The following ANKRD36C variants were observed in gnomAD, a reference collection of about 807,000 sequenced individuals.
ANKRD36C encodes the protein ankyrin repeat domain 36C, also known as ankyrin repeat domain-containing protein 36C.
In ANKRD36C, 61 loss-of-function variants were observed where a neutral mutation model predicts 276.4. The observed-to-expected ratio is 0.22, with a 90% CI of 0.18 to 0.27. The LOEUF (loss-of-function observed/expected upper bound fraction) is 0.27. Ranked by LOEUF, ANKRD36C falls within the 10% of genes least tolerant of loss-of-function variation. ANKRD36C has a pLI of 1.00. For synonymous variants in ANKRD36C, 483 were observed against 680.1 expected (o/e 0.71, Z 4.51); for missense variants, 1,447 against 2,032.3 (o/e 0.71, Z 5.54).
At chr2:95,892,059 T>A (rs753613764) in intron 44 of ANKRD36C, among the ~76,000 whole-genome samples, 199 bp from the exon 65 acceptor site, 3 of 151,522 alleles carry the variant, frequency 2.0e-5, no homozygotes, top group Non-Finnish European at 4.4e-5. Context: ...GAAATATAGT[T>A]TTAGTATTTC....
chr2:95,936,136 C>T (rs1406370047), intron 22 of ANKRD36C, among the ~76,000 whole-genome samples: 1 of 152,298 alleles, frequency 6.6e-6, no homozygotes, highest in African/African-American at 2.4e-5. Context: ...TCTCTTCATT[C>T]ACTTATGCAA....
intron 6 of ANKRD36C, among the ~76,000 whole-genome samples, chr2:95,965,554 A>G (rs957312836): frequency 3.3e-5 from 5 of 152,166 alleles, no homozygotes; most frequent in African/African-American, 9.6e-5. Context: ...TGGGAGAGAT[A>G]CAGCTATGCT....
At chr2:95,979,255 GCAAA>G (rs1379236543) in intron 5 of ANKRD36C, among the ~76,000 whole-genome samples, 1 of 151,932 alleles carries the variant, frequency 6.6e-6, no homozygotes, top group Non-Finnish European at 1.5e-5. Context: ...TAGCTAGCCA[GCAAA>G]CAGTCAAATG....
In ANKRD36C at chr2:95,957,935, G is replaced by A. The variant is rs1229652742; in HGVS notation, c.1105+656C>T. Among the ~76,000 whole-genome samples the A allele has an allele frequency of 3.3e-5, 5 of 151,488 alleles. No individual in the cohort carries two copies. In the East Asian group the frequency reaches 9.7e-4, roughly 29 times the overall value. ...TGATGCCCAGTAATAACAAAGAGGG[G>A]TAACAGGTGACTGTGGTTCATCACA... On this transcript the variant is annotated intron_variant, in intron 12 of 66. Coordinates refer to ENST00000456556, the Ensembl canonical transcript of ANKRD36C.
chr2:95,959,795 T>A (rs372690966), intron 10 of ANKRD36C, among the ~76,000 whole-genome samples: 1 of 138,382 alleles, frequency 7.2e-6, no homozygotes, highest in Non-Finnish European at 1.6e-5. Context: ...ATATCTCTGA[T>A]GCCCAATAAT....
chr2:95,942,766 A>G (rs1156762673), intron 19 of ANKRD36C, among the ~76,000 whole-genome samples: 189 of 145,888 alleles, frequency 1.3e-3, no homozygotes, highest in Non-Finnish European at 2.5e-3. Flanking sequence ...TGAAGAGAGA[A>G]GAAATTTATT....
intron 60 of ANKRD36C, among the ~76,000 whole-genome samples, chr2:95,860,688 C>G (rs1340559253): frequency 6.6e-6 from 1 of 152,128 alleles, no homozygotes. Flanking sequence ...TTACAAATAT[C>G]CCAGTTCTTT....
chr2:95,857,579 T>C, intron 61 of ANKRD36C, 87 bp from the exon 82 acceptor site: 2 of 1,360,600 alleles, frequency 1.5e-6, no homozygotes, highest in Non-Finnish European at 2.0e-6. Flanking sequence ...ACCTAAGGGG[T>C]CCAGGGAGTC....
chr2:95,897,413 C>A lies in ANKRD36C; in HGVS notation c.2755+1732G>T, dbSNP rs201291334. 3.6e-3 allele frequency: 5,512 copies of A among 1,544,340 alleles called. 255 individuals carry two copies. Among genetic ancestry groups the A allele is most frequent in the Non-Finnish European group, 4.5e-3 (5,087 of 1,140,954 alleles). ...CATAGACTATACATTTACTAGTTCA[C>A]AATATAAATGACAGTTTCATTACCT... On this transcript the variant is annotated intron_variant, in intron 44 of 66. Transcript: ENST00000456556.
intron 44 of ANKRD36C, among the ~76,000 whole-genome samples, chr2:95,892,462 C>A (rs1317546522): frequency 6.6e-6 from 1 of 151,444 alleles, no homozygotes; most frequent in Non-Finnish European, 1.5e-5. Context: ...TAATAATCTG[C>A]CTAAGTTTCT....
exon 6 of ANKRD36C, chr2:95,978,139 G>T (rs1319929514): frequency 7.9e-7 from 1 of 1,269,342 alleles, no homozygotes. Flanking sequence ...GCTATTTATA[G>T]AAAGCTCTTC....
At chr2:95,889,802 T>C in exon 48 of ANKRD36C, 1 of 1,587,200 alleles carries the variant, frequency 6.3e-7, no homozygotes, top group Non-Finnish European at 8.6e-7. Flanking sequence ...AAATTACCTG[T>C]CCCAGATATT....
At chr2:95,848,939 A>T, downstream of ANKRD36C, 1 of 418,622 alleles carries the variant, frequency 2.4e-6, no homozygotes, top group Non-Finnish European at 4.7e-6. Flanking sequence ...AGATACAAAA[A>T]TATTTTCATT....
chr2:95,919,998 T>A, intron 34 of ANKRD36C, 78 bp from the exon 35 acceptor site: 2 of 1,439,442 alleles, frequency 1.4e-6, no homozygotes, highest in South Asian at 2.4e-5. Flanking sequence ...AGTGTTAGCA[T>A]CAAGCTGTAT....
intron 50 of ANKRD36C, among the ~76,000 whole-genome samples, chr2:95,887,536 T>C (rs1159005713): frequency 6.6e-6 from 1 of 151,630 alleles, no homozygotes; most frequent in Admixed American, 6.6e-5. Flanking sequence ...CTACAGGTTA[T>C]TAGGATCACT....
intron 6 of ANKRD36C, among the ~76,000 whole-genome samples, chr2:95,962,762 C>T (rs62155482): frequency 4.0e-5 from 6 of 150,934 alleles, no homozygotes; most frequent in South Asian, 4.2e-4. Context: ...CAATTTCAAA[C>T]GTGATATGAT....
chr2:95,933,780 T>C (rs892629066), intron 24 of ANKRD36C, among the ~76,000 whole-genome samples: 5 of 152,292 alleles, frequency 3.3e-5, no homozygotes, highest in African/African-American at 1.2e-4. Flanking sequence ...TCTTGTCTGA[T>C]TGCCCTGGCC....
At chr2:95,892,476 A>G (rs1274832136) in intron 44 of ANKRD36C, among the ~76,000 whole-genome samples, 1 of 151,516 alleles carries the variant, frequency 6.6e-6, no homozygotes, top group Admixed American at 6.6e-5. Context: ...AGTTTCTTCT[A>G]TCCACTACTT....
At chr2:95,853,156 G>A (rs1184883613) in intron 64 of ANKRD36C, 7 of 154,034 alleles carry the variant, frequency 4.5e-5, no homozygotes, top group East Asian at 1.9e-4. Flanking sequence ...AATACAAAAG[G>A]AGTAACGATT....
Sources: gnomAD v4.1 joint callset for allele counts (sites outside exome capture counted in the v4.1 genomes callset) on GRCh38, gnomAD v4.1.1 for gene constraint, MANE v1.5 for transcripts, NCBI Gene and HGNC (gene_info 2026-07-23, HGNC 2026-07-21) for gene names.